Variants in ITPRID1 observed in about 807,000 individuals in gnomAD.
ITPRID1 encodes protein ITPRID1.
A neutral mutation model predicts 95.4 loss-of-function variants in ITPRID1; 96 were observed. The ratio of observed to expected loss-of-function variants is 1.01; its 90% CI spans 0.85 to 1.19. The LOEUF is 1.19. Among genes scored for constraint, ITPRID1 ranks in the 50% most tolerant of loss-of-function variants. ITPRID1 has a pLI of 0.00. For missense variants in ITPRID1, 1,339 were observed against 1,252.9 expected, an observed-to-expected ratio of 1.07 and a Z score of -1.04; for synonymous variants, 510 against 453.6, an observed-to-expected ratio of 1.12 and a Z score of -1.58.
chr7:31,655,040 G>A lies in ITPRID1; in HGVS notation c.*2211G>A, dbSNP rs1562667530. 6.6e-6 allele frequency among the ~76,000 whole-genome samples: 1 copy of A among 152,026 alleles called. No individual in the cohort carries two copies. Among genetic ancestry groups the A allele is most frequent in the Non-Finnish European group, 1.5e-5 (1 of 68,016 alleles). On this transcript the variant is annotated 3_prime_UTR_variant, in exon 15 of 15. Coordinates refer to ENST00000615280, the MANE Select transcript of ITPRID1 (RefSeq NM_001257967.3). ...CTCTTTCTCCATTCCTCTGTCCTCA[G>A]TATACACACACACTCTCCAAGCATC... is the stretch of plus-strand genomic sequence containing the variant.
chr7:31,610,223 G>T (rs1405738762), intron 10 of ITPRID1, among the ~76,000 whole-genome samples: 4 of 151,596 alleles, frequency 2.6e-5, no homozygotes, highest in African/African-American at 7.2e-5. Flanking sequence ...AATGTTCCAT[G>T]TACAGTTGAG....
At chr7:31,534,393 A>T (rs1002868118) in intron 1 of ITPRID1, among the ~76,000 whole-genome samples, 8 of 152,248 alleles carry the variant, frequency 5.3e-5, no homozygotes, top group South Asian at 2.1e-4. Context: ...TCTGAATTAG[A>T]TTTGTCTATT....
intron 10 of ITPRID1, among the ~76,000 whole-genome samples, chr7:31,638,950 A>AT (rs1466966945): frequency 9.9e-5 from 15 of 151,760 alleles, no homozygotes; most frequent in Non-Finnish European, 2.1e-4. Flanking sequence ...TAATTTTTGT[A>AT]TTTTTTGGTA....
chr7:31,541,103 A>G (rs4720042), intron 1 of ITPRID1, among the ~76,000 whole-genome samples: 88,473 of 152,156 alleles, frequency 0.58, 26,821 homozygotes, highest in Middle Eastern at 0.71. Flanking sequence ...AAGAGAAACA[A>G]GTATGCTCCA....
chr7:31,626,713 C>G (rs923651468), intron 10 of ITPRID1, among the ~76,000 whole-genome samples: 1 of 152,148 alleles, frequency 6.6e-6, no homozygotes, highest in African/African-American at 2.4e-5. Context: ...TGCCCCAAAA[C>G]TCTTGTTGTG....
At chr7:31,575,984 T>C (rs1313613979) in intron 8 of ITPRID1, among the ~76,000 whole-genome samples, 1 of 152,204 alleles carries the variant, frequency 6.6e-6, no homozygotes, top group African/African-American at 2.4e-5. Flanking sequence ...TATCTCCTCT[T>C]GCAAGCAGCA....
Position 31,642,997 on chromosome 7 carries a change from C to T in ITPRID1, c.1627C>T (p.Leu543Phe), listed in dbSNP as rs1287701270. The change falls in exon 12 of 15, where the codon CTT becomes TTT. Residue 543 changes from leucine (L) to phenylalanine (F), a missense_variant. Leu to Phe is a conservative substitution (Grantham distance 22). Coordinates refer to ENST00000615280, the MANE Select transcript of ITPRID1 (RefSeq NM_001257967.3). ...AAGGAAAGACAGCCATCTGTGGCAG[C>T]TTCTGCCAATGCCCCATGCTGAGTA... ...CPRKDSHLWQLLPMPHAEYEV... is the reference protein window; with the variant it reads ...CPRKDSHLWQFLPMPHAEYEV... The T allele has an allele frequency of 5.6e-6, 9 of 1,614,020 alleles. No individual in the cohort carries two copies. The highest frequency in any genetic ancestry group is 7.6e-6 in the Non-Finnish European group (9 of 1,179,880).
chr7:31,635,725 T>C (rs946022592), intron 10 of ITPRID1, among the ~76,000 whole-genome samples: 28 of 151,488 alleles, frequency 1.8e-4, no homozygotes, highest in African/African-American at 6.3e-4. Context: ...GAGGTTTAAA[T>C]GAGAACACAT....
chr7:31,623,981 A>G (rs1788187864), intron 10 of ITPRID1, among the ~76,000 whole-genome samples: 1 of 149,504 alleles, frequency 6.7e-6, no homozygotes, highest in African/African-American at 2.4e-5. Flanking sequence ...CCAATAACAG[A>G]CAAACAGAGA....
chr7:31,540,471 G>A (rs1783898674), intron 1 of ITPRID1, among the ~76,000 whole-genome samples: 1 of 152,178 alleles, frequency 6.6e-6, no homozygotes, highest in South Asian at 2.1e-4. Flanking sequence ...TTAAAAACAT[G>A]AGTCAAGACT....
At chr7:31,636,549 G>C (rs867463883) in intron 10 of ITPRID1, among the ~76,000 whole-genome samples, 1 of 152,002 alleles carries the variant, frequency 6.6e-6, no homozygotes, top group African/African-American at 2.4e-5. Flanking sequence ...TTTTACCAAG[G>C]CTCAACCTCT....
In ITPRID1 at chr7:31,625,703, C is replaced by T. The variant is rs144552514; in HGVS notation, c.1229-16473C>T. Among the ~76,000 whole-genome samples, 332 of 151,960 alleles carry T rather than the reference C, an allele frequency of 2.2e-3. 2 individuals carry two copies. The highest frequency in any genetic ancestry group is 7.6e-3 in the African/African-American group (316 of 41,422). The stretch of plus-strand genomic sequence containing the variant: ...CGAGTTAGTGGGTGCAGCGCACCAA[C>T]ATGTCACATGTATACATATGTACCT... On this transcript the variant is annotated intron_variant, in intron 10 of 14. Coordinates refer to ENST00000615280, the MANE Select transcript of ITPRID1 (RefSeq NM_001257967.3).
At chr7:31,558,776 C>T (rs1343998558) in intron 5 of ITPRID1, among the ~76,000 whole-genome samples, 6 of 152,080 alleles carry the variant, frequency 3.9e-5, no homozygotes, top group South Asian at 2.1e-4. Context: ...ACTAGCATAC[C>T]GCCAATGACA....
intron 1 of ITPRID1, chr7:31,529,683 G>A (rs1206723403): frequency 8.5e-7 from 1 of 1,174,584 alleles, no homozygotes; most frequent in African/African-American, 1.5e-5. Context: ...TCATAGTTCT[G>A]CAGTCACAAG....
chr7:31,604,298 G>A (rs1786522548), intron 10 of ITPRID1, among the ~76,000 whole-genome samples: 1 of 152,222 alleles, frequency 6.6e-6, no homozygotes, highest in Non-Finnish European at 1.5e-5. Flanking sequence ...CCACAGCTCA[G>A]AGAGGATAAG....
intron 6 of ITPRID1, among the ~76,000 whole-genome samples, chr7:31,571,599 C>T (rs1003391568): frequency 1.3e-5 from 2 of 152,054 alleles, no homozygotes; most frequent in South Asian, 2.1e-4. Flanking sequence ...TCATTTTTTC[C>T]ATAGTAAAGG....
intron 10 of ITPRID1, among the ~76,000 whole-genome samples, chr7:31,614,137 T>C (rs1020247104): frequency 3.3e-5 from 5 of 152,174 alleles, no homozygotes; most frequent in Non-Finnish European, 7.3e-5. Flanking sequence ...ACCCCAGATA[T>C]TACGGAGTCT....
intron 14 of ITPRID1, 60 bp downstream of exon 14, chr7:31,652,110 A>T (rs781536176): frequency 8.4e-7 from 1 of 1,186,162 alleles, no homozygotes; most frequent in Non-Finnish European, 1.2e-6. Flanking sequence ...GAGGTGCATT[A>T]AATGAGAAAC....
intron 1 of ITPRID1, among the ~76,000 whole-genome samples, chr7:31,539,220 T>C (rs1367465873): frequency 2.0e-5 from 3 of 152,232 alleles, no homozygotes; most frequent in South Asian, 2.1e-4. Flanking sequence ...GGTCTTGCTC[T>C]GTTGCCCAGG....
Sources: allele counts gnomAD v4.1 joint callset (sites outside exome capture counted in the v4.1 genomes callset), GRCh38; gene constraint gnomAD v4.1.1; transcripts MANE v1.5; gene names NCBI Gene and HGNC (gene_info 2026-07-23, HGNC 2026-07-21).